DPH6: variants seen among roughly 807,000 people sequenced by gnomAD.
The protein encoded by DPH6 is diphthamine biosynthesis 6.
Under a neutral mutation model 38.2 loss-of-function variants are expected in DPH6, and 33 were observed. That is an observed-to-expected ratio of 0.86 (90% CI 0.65 to 1.15). DPH6 has a LOEUF of 1.15. Ranked by LOEUF, DPH6 falls within the 50% of genes most tolerant of loss-of-function variation. The pLI is 0.00. For missense variants in DPH6, 325 were observed against 320.0 expected (o/e 1.02, Z -0.12); for synonymous variants, 108 against 103.0 (o/e 1.05, Z -0.30).
chr15:35,438,274 T>C (rs896390995), intron 5 of DPH6, among the ~76,000 whole-genome samples: 4 of 152,128 alleles, frequency 2.6e-5, no homozygotes, highest in East Asian at 3.9e-4. Context: ...CTTTCTTTTT[T>C]TGAGATGGAG....
the DPH6 span, among the ~76,000 whole-genome samples, chr15:35,165,437 G>C: frequency 6.6e-6 from 1 of 151,830 alleles, no homozygotes; most frequent in Non-Finnish European, 1.5e-5. Context: ...AGGTTTGGTG[G>C]TGAAGCTTTC....
chr15:35,372,164 T>C lies in DPH6; in HGVS notation c.790A>G (p.Ile264Val), dbSNP rs1181546190. 6 of 1,519,964 alleles carry C rather than the reference T, an allele frequency of 3.9e-6. No individual in the cohort carries two copies. The highest frequency in any genetic ancestry group is 5.3e-6 in the Non-Finnish European group (6 of 1,136,918). The allele number at this position is 1,519,964 out of a possible 1,614,324, so 94.2% of individuals were successfully genotyped here. A position where few individuals can be genotyped will look rare whatever the true frequency, so the allele number is the denominator to read the frequency against. ...VPDNYRTSNY[I>V]YNF The stretch of plus-strand genomic sequence containing the variant: ...CAAAACACTTTTCAAAAATTATATA[T>C]ATAATTAGATGTTCTGTAGTTGTCA... The change falls in exon 9 of 9, where the codon ATA (isoleucine) becomes GTA (valine). Residue 264 changes from isoleucine (I) to valine (V), a missense_variant. Transcript: ENST00000256538.
intron 3 of DPH6, among the ~76,000 whole-genome samples, chr15:35,535,958 G>A (rs544335155): frequency 6.6e-6 from 1 of 152,118 alleles, no homozygotes; most frequent in Non-Finnish European, 1.5e-5. Flanking sequence ...AATATTTGTG[G>A]GGAAAATGTT....
chr15:35,262,762 G>A (rs2051757896), intron 3 of DPH6, among the ~76,000 whole-genome samples: 2 of 145,874 alleles, frequency 1.4e-5, no homozygotes, highest in Non-Finnish European at 3.0e-5. Flanking sequence ...AGCCATTTAG[G>A]TAAGATTTTC....
At chr15:35,215,572 A>T (rs2051407067), downstream of DPH6, among the ~76,000 whole-genome samples, 1 of 152,026 alleles carries the variant, frequency 6.6e-6, no homozygotes, top group Non-Finnish European at 1.5e-5. Flanking sequence ...TTTTTTTTGT[A>T]GAGATGGAGT....
intron 5 of DPH6, among the ~76,000 whole-genome samples, chr15:35,448,841 A>G (rs2053890574): frequency 6.6e-6 from 1 of 152,104 alleles, no homozygotes; most frequent in Non-Finnish European, 1.5e-5. Flanking sequence ...TAAGACATAA[A>G]GGTTACATAC....
At chr15:35,543,204 G>C (rs1001601853) in intron 1 of DPH6, among the ~76,000 whole-genome samples, 5 of 140,862 alleles carry the variant, frequency 3.5e-5, no homozygotes, top group African/African-American at 1.3e-4. Context: ...TGAAACATCA[G>C]CACTATCAGC....
Position 35,385,170 on chromosome 15 carries a change from G to A in DPH6, c.568-3254C>T, listed in dbSNP as rs984881949. 1.3e-4 allele frequency among the ~76,000 whole-genome samples: 20 copies of A among 152,098 alleles called. 1 individual carries two copies. Among genetic ancestry groups the A allele is most frequent in the African/African-American group, 3.9e-4 (16 of 41,416 alleles). ...TAGGAACACTTTTACACTGTTGGTG[G>A]GAGTATAAATTAGTTCAACCATTGT... On this transcript the variant is annotated intron_variant, in intron 6 of 8. Transcript: ENST00000256538.
intron 5 of DPH6, among the ~76,000 whole-genome samples, chr15:35,411,701 T>A (rs1393711283): frequency 6.6e-6 from 1 of 151,706 alleles, no homozygotes. Context: ...ACATTCATAT[T>A]TACATATATT....
the DPH6 span, among the ~76,000 whole-genome samples, chr15:35,185,606 A>G: frequency 2.0e-5 from 3 of 152,060 alleles, no homozygotes; most frequent in East Asian, 3.9e-4. Flanking sequence ...CCTTTCAGAT[A>G]GTAGCTGCTA....
intron 3 of DPH6, among the ~76,000 whole-genome samples, chr15:35,524,556 G>A (rs949410553): frequency 6.6e-6 from 1 of 152,112 alleles, no homozygotes; most frequent in African/African-American, 2.4e-5. Flanking sequence ...AATTCTGGGA[G>A]GCAGCAGAAC....
chr15:35,332,310 A>C (rs568200881), intron 3 of DPH6, among the ~76,000 whole-genome samples: 5 of 152,336 alleles, frequency 3.3e-5, no homozygotes, highest in African/African-American at 1.2e-4. Context: ...GATAAATTTG[A>C]AAGTTAAAAA....
chr15:35,214,226 G>T (rs997446426), downstream of DPH6, among the ~76,000 whole-genome samples: 1 of 152,144 alleles, frequency 6.6e-6, no homozygotes, highest in African/African-American at 2.4e-5. Flanking sequence ...ACAGGCGGTG[G>T]TGTCCTCAAA....
chr15:35,261,542 T>TAA (rs11453555), intron 3 of DPH6, among the ~76,000 whole-genome samples: 16 of 150,850 alleles, frequency 1.1e-4, no homozygotes, highest in East Asian at 1.9e-4. Flanking sequence ...AAAGTTAGTT[T>TAA]AAAAAAAAAG....
the DPH6 span, among the ~76,000 whole-genome samples, chr15:35,189,705 G>A: frequency 6.6e-6 from 1 of 152,060 alleles, no homozygotes; most frequent in East Asian, 1.9e-4. Context: ...AAATAAATTG[G>A]CTATAGACAG....
chr15:35,299,492 G>T (rs1048369817), intron 3 of DPH6: 1 of 740,560 alleles, frequency 1.4e-6, no homozygotes, highest in African/African-American at 1.7e-5. Flanking sequence ...CATGGGCCGC[G>T]GTGGCGGCAG....
chr15:35,349,563 A>C (rs2052492502), intron 3 of DPH6, among the ~76,000 whole-genome samples: 2 of 152,034 alleles, frequency 1.3e-5, no homozygotes, highest in Admixed American at 1.3e-4. Context: ...CAGCCACTGG[A>C]GTAGCTATTA....
intron 3 of DPH6, among the ~76,000 whole-genome samples, chr15:35,253,199 AT>A (rs1290521482): frequency 1.3e-5 from 2 of 152,210 alleles, no homozygotes; most frequent in African/African-American, 4.8e-5. Flanking sequence ...CATTGGTGAG[AT>A]TTTTTCCCCA....
chr15:35,272,233 T>A (rs2051826691), intron 3 of DPH6, among the ~76,000 whole-genome samples: 1 of 152,324 alleles, frequency 6.6e-6, no homozygotes, highest in South Asian at 2.1e-4. Context: ...TGATTTAAAG[T>A]ATACAAGAGG....
Sources: allele counts gnomAD v4.1 joint callset (sites outside exome capture counted in the v4.1 genomes callset), GRCh38; gene constraint gnomAD v4.1.1; transcripts MANE v1.5; gene names NCBI Gene and HGNC (gene_info 2026-07-23, HGNC 2026-07-21).